RBFOX1: variants seen among roughly 807,000 people sequenced by gnomAD.
The protein encoded by RBFOX1 is RNA binding fox-1 homolog 1, also known as RNA binding protein fox-1 homolog 1.
Under a neutral mutation model 57.7 loss-of-function variants are expected in RBFOX1, and 8 were observed. That is an observed-to-expected ratio of 0.14 (90% CI 0.08 to 0.25). The LOEUF is 0.25. RBFOX1 is among the 10% of genes least tolerant of loss of function. The pLI, the probability that RBFOX1 is intolerant of heterozygous loss-of-function variation, is 1.00. For synonymous variants in RBFOX1, 326 were observed against 222.4 expected (o/e 1.47, Z -4.15); for missense variants, 611 against 548.5 (o/e 1.11, Z -1.14).
At chr16:5,436,329 T>A (rs985605304) in intron 1 of RBFOX1, among the ~76,000 whole-genome samples, 1 of 152,166 alleles carries the variant, frequency 6.6e-6, no homozygotes, top group Admixed American at 6.5e-5. Context: ...CTGGTTTTGG[T>A]GGATTAGTTC....
In RBFOX1 at chr16:6,909,318, C is replaced by T. The variant is rs142550958; in HGVS notation, c.-15-142739C>T. On this transcript the variant is annotated intron_variant, in intron 3 of 15. Coordinates refer to ENST00000550418, the MANE Select transcript of RBFOX1 (RefSeq NM_018723.4). ...GGCTTCCAGCATCACATACCTCCTT[C>T]TCTGGTCTTCCTCTTGTAAGGAACT... 1.6e-4 allele frequency among the ~76,000 whole-genome samples: 24 copies of T among 152,338 alleles called. No individual in the cohort carries two copies. The East Asian group carries it at 4.5e-3, about 28-fold the overall frequency.
At chr16:5,904,579 T>C (rs2058398200) in intron 4 of RBFOX1, among the ~76,000 whole-genome samples, 1 of 151,982 alleles carries the variant, frequency 6.6e-6, no homozygotes, top group African/African-American at 2.4e-5. Context: ...TGTCCCTATC[T>C]TGGGCTAAGA....
At chr16:6,473,163 C>G (rs965571769) in intron 2 of RBFOX1, among the ~76,000 whole-genome samples, 9 of 152,178 alleles carry the variant, frequency 5.9e-5, no homozygotes, top group Admixed American at 6.5e-5. Context: ...TTGGCTCTCA[C>G]AGCTCTTATC....
At chr16:7,091,649 GC>G (rs2060877784) in intron 4 of RBFOX1, among the ~76,000 whole-genome samples, 1 of 152,150 alleles carries the variant, frequency 6.6e-6, no homozygotes, top group Non-Finnish European at 1.5e-5. Flanking sequence ...CCAGTTCTCA[GC>G]CTGCTGTAAG....
intron 4 of RBFOX1, among the ~76,000 whole-genome samples, chr16:7,156,616 T>G (rs183524108): frequency 5.2e-4 from 79 of 152,274 alleles, no homozygotes; most frequent in African/African-American, 1.9e-3. Flanking sequence ...CATATATATG[T>G]ATATACATAT....
chr16:5,487,474 G>A (rs530505057), intron 2 of RBFOX1, among the ~76,000 whole-genome samples: 1 of 152,342 alleles, frequency 6.6e-6, no homozygotes, highest in South Asian at 2.1e-4. Context: ...AGTGGACCCT[G>A]AGGGTGAGGA....
intron 4 of RBFOX1, among the ~76,000 whole-genome samples, chr16:7,107,215 G>A (rs1247801696): frequency 6.6e-6 from 1 of 152,160 alleles, no homozygotes; most frequent in Non-Finnish European, 1.5e-5. Flanking sequence ...AAGACTGAGT[G>A]GCTGGTGGGT....
At chr16:6,512,585 A>C (rs571635244) in intron 2 of RBFOX1, among the ~76,000 whole-genome samples, 1 of 152,248 alleles carries the variant, frequency 6.6e-6, no homozygotes, top group South Asian at 2.1e-4. Context: ...TCTGCCTCCA[A>C]TGGACACCCA....
Position 6,624,525 on chromosome 16 carries a change from T to G in RBFOX1, c.-63-30078T>G, listed in dbSNP as rs75488555. Among the ~76,000 whole-genome samples the G allele has an allele frequency of 2.5e-3, 386 of 152,222 alleles. 12 individuals carry two copies. The East Asian group carries it at 0.063, about 25-fold the overall frequency. On this transcript the variant is annotated intron_variant, in intron 2 of 15. Coordinates refer to ENST00000550418, the MANE Select transcript of RBFOX1 (RefSeq NM_018723.4). ...ATACCAGTTTCCACCCACCTTTGTT[T>G]TGGTTAGAGTGATATTTTGTCCCTT...
chr16:7,480,853 A>G (rs1347846332), intron 4 of RBFOX1, among the ~76,000 whole-genome samples: 1 of 152,098 alleles, frequency 6.6e-6, no homozygotes. Context: ...AGCCTCTTGG[A>G]TAAAAGTTGT....
intron 4 of RBFOX1, among the ~76,000 whole-genome samples, chr16:7,334,154 T>C (rs1204641253): frequency 6.6e-6 from 1 of 152,152 alleles, no homozygotes; most frequent in Non-Finnish European, 1.5e-5. Flanking sequence ...TTACCTTTTG[T>C]TAAGTGTACG....
intron 3 of RBFOX1, among the ~76,000 whole-genome samples, chr16:6,886,285 C>G (rs528666467): frequency 1.3e-5 from 2 of 151,868 alleles, no homozygotes; most frequent in East Asian, 3.9e-4. Context: ...TAGTCTCGAT[C>G]TCTTGACCTC....
intron 3 of RBFOX1, among the ~76,000 whole-genome samples, chr16:6,694,573 T>C (rs1471815360): frequency 1.3e-5 from 2 of 151,930 alleles, no homozygotes; most frequent in Non-Finnish European, 2.9e-5. Flanking sequence ...AGGGCCTCTT[T>C]ACTGGCTTGG....
At chr16:5,586,221 C>G (rs1380690783) in intron 2 of RBFOX1, among the ~76,000 whole-genome samples, 3 of 152,094 alleles carry the variant, frequency 2.0e-5, no homozygotes, top group Non-Finnish European at 4.4e-5. Context: ...CCTGCCCACA[C>G]CTTGGTTTCA....
Position 6,785,633 on chromosome 16 carries a change from C to G in RBFOX1, c.-16+130983C>G, listed in dbSNP as rs1026980873. ...TTGTTTTCAACTGCACAATAACCAT[C>G]AGAAACACTTACCTAATATTTATTT... On this transcript the variant is annotated intron_variant, in intron 3 of 15. Transcript: ENST00000550418. 3.3e-5 allele frequency among the ~76,000 whole-genome samples: 5 copies of G among 152,148 alleles called. No homozygotes were observed. The East Asian group carries it at 9.6e-4, about 29-fold the overall frequency.
intron 4 of RBFOX1, among the ~76,000 whole-genome samples, chr16:7,211,198 T>G (rs985137104): frequency 6.6e-6 from 1 of 151,756 alleles, no homozygotes; most frequent in Admixed American, 6.6e-5. Context: ...AAGACTGTCC[T>G]GGCTAACACA....
chr16:5,456,327 T>C (rs2068630321), intron 1 of RBFOX1, among the ~76,000 whole-genome samples: 2 of 152,196 alleles, frequency 1.3e-5, no homozygotes, highest in African/African-American at 4.8e-5. Flanking sequence ...TTTTGACTCA[T>C]GTAGGGAGAA....
At chr16:6,050,875 A>G (rs1334212264) in intron 1 of RBFOX1, among the ~76,000 whole-genome samples, 1 of 151,490 alleles carries the variant, frequency 6.6e-6, no homozygotes, top group South Asian at 2.1e-4. Flanking sequence ...GATGGAAGTT[A>G]TTATCTTTGT....
intron 3 of RBFOX1, among the ~76,000 whole-genome samples, chr16:6,991,139 A>G: frequency 7.4e-6 from 1 of 134,928 alleles, no homozygotes; most frequent in East Asian, 2.1e-4. Flanking sequence ...GTCTCTCCAA[A>G]AAAAAAAAAA....
Sources: gnomAD v4.1 joint callset for allele counts (sites outside exome capture counted in the v4.1 genomes callset) on GRCh38, gnomAD v4.1.1 for gene constraint, MANE v1.5 for transcripts, NCBI Gene and HGNC (gene_info 2026-07-23, HGNC 2026-07-21) for gene names.